LANCL1: variants seen among roughly 807,000 people sequenced by gnomAD.
LANCL1 encodes glutathione S-transferase LANCL1.
LANCL1 carries 50 observed loss-of-function variants against 50.6 expected under a neutral mutation model. The ratio of observed to expected loss-of-function variants is 0.99; its 90% CI spans 0.79 to 1.25. The LOEUF (loss-of-function observed/expected upper bound fraction) is 1.25. LANCL1 is among the 50% of genes most tolerant of loss of function. The pLI, the probability that LANCL1 is intolerant of heterozygous loss-of-function variation, is 0.00. For synonymous variants in LANCL1, 188 were observed against 178.6 expected (o/e 1.05, Z -0.42); for missense variants, 532 against 480.7 (o/e 1.11, Z -1.00).
intron 4 of LANCL1, among the ~76,000 whole-genome samples, chr2:210,442,027 C>T (rs537650807): frequency 3.3e-5 from 5 of 152,036 alleles, no homozygotes; most frequent in South Asian, 2.1e-4. Flanking sequence ...ACCTCAGCCT[C>T]GCGAGGGGAT....
intron 6 of LANCL1, among the ~76,000 whole-genome samples, chr2:210,438,718 T>C (rs758446859): frequency 2.0e-5 from 3 of 152,194 alleles, no homozygotes; most frequent in Non-Finnish European, 4.4e-5. Flanking sequence ...AGATCAAGTC[T>C]TTTTGCAGAG....
chr2:210,463,584 T>C (rs750136518), intron 3 of LANCL1, among the ~76,000 whole-genome samples: 3 of 152,244 alleles, frequency 2.0e-5, no homozygotes, highest in Non-Finnish European at 2.9e-5. Context: ...TGCATACTGA[T>C]GATCTTTATT....
intron 1 of LANCL1, 75 bp from the exon 2 acceptor site, chr2:210,476,487 C>T: frequency 6.8e-7 from 1 of 1,479,538 alleles, no homozygotes; most frequent in Non-Finnish European, 9.1e-7. Context: ...GCGGCGGCGC[C>T]CAGGTATCCC....
chr2:210,455,597 T>A (rs1355056227), intron 3 of LANCL1, among the ~76,000 whole-genome samples: 1 of 152,176 alleles, frequency 6.6e-6, no homozygotes, highest in African/African-American at 2.4e-5. Flanking sequence ...CACAGCCTAT[T>A]ATTAGTCTTT....
chr2:210,459,134 T>C (rs1284088117), intron 3 of LANCL1, among the ~76,000 whole-genome samples: 1 of 152,116 alleles, frequency 6.6e-6, no homozygotes, highest in Non-Finnish European at 1.5e-5. Flanking sequence ...TTGAACTTAA[T>C]TGTAAAAATC....
In LANCL1 at chr2:210,434,845, G is replaced by A. The variant is rs552746421; in HGVS notation, c.1124-282C>T. On this transcript the variant is annotated intron_variant, in intron 9 of 9. Transcript: ENST00000450366. ...ACCCCCCGAGAGCAGTTACAACTCT[G>A]CAAAAACGAAGGATGGCTCCATTTT... Among the ~76,000 whole-genome samples, 96 of 151,718 alleles carry A rather than the reference G, an allele frequency of 6.3e-4. 3 individuals carry two copies. The South Asian group carries it at 0.011, about 17-fold the overall frequency.
Position 210,441,974 on chromosome 2 carries a change from G to A in LANCL1, c.408-531C>T, listed in dbSNP as rs962418933. Among the ~76,000 whole-genome samples the A allele has an allele frequency of 3.3e-5, 5 of 151,080 alleles. 1 individual carries two copies. Among genetic ancestry groups the A allele is most frequent in the Admixed American group, 3.3e-4 (5 of 15,144 alleles). ...GGCTGGAGTGCAATGGCGTGATCTC[G>A]GCTCACCGCAACCTCCGCCTCCCAG... is the stretch of plus-strand genomic sequence containing the variant. On this transcript the variant is annotated intron_variant, in intron 4 of 9. Transcript: ENST00000450366.
Position 210,459,297 on chromosome 2 carries a change from A to G in LANCL1, c.200-3983T>C, listed in dbSNP as rs1693768832. Among the ~76,000 whole-genome samples, 4 of 152,190 alleles carry G rather than the reference A, an allele frequency of 2.6e-5. No homozygotes were observed. The South Asian group carries it at 8.3e-4, about 32-fold the overall frequency. On this transcript the variant is annotated intron_variant, in intron 3 of 9. Coordinates refer to ENST00000450366, the MANE Select transcript of LANCL1 (RefSeq NM_006055.3). ...ATACTATATACAAAAGTCAACTCAA[A>G]ATGGACTAAAGACTTAGACTTAAGA...
intron 3 of LANCL1, among the ~76,000 whole-genome samples, chr2:210,470,027 G>T (rs781470664): frequency 4.7e-5 from 7 of 149,750 alleles, no homozygotes; most frequent in Non-Finnish European, 8.8e-5. Flanking sequence ...ATTAGAAAAA[G>T]ATCTGTAAGT....
chr2:210,457,670 T>C (rs2287429), intron 3 of LANCL1, among the ~76,000 whole-genome samples: 96,349 of 152,050 alleles, frequency 0.63, 31,437 homozygotes, highest in East Asian at 0.82. Flanking sequence ...TCCTCTGGTT[T>C]ACTGTGTTCC....
At chr2:210,447,409 T>C (rs1262696714) in intron 4 of LANCL1, among the ~76,000 whole-genome samples, 1 of 152,090 alleles carries the variant, frequency 6.6e-6, no homozygotes, top group African/African-American at 2.4e-5. Context: ...ACATACCAAA[T>C]TGTAAAGACC....
At chr2:210,474,175 T>C (rs1218567842) in intron 2 of LANCL1, among the ~76,000 whole-genome samples, 2 of 152,212 alleles carry the variant, frequency 1.3e-5, no homozygotes, top group Non-Finnish European at 2.9e-5. Flanking sequence ...CTAAAAGTCC[T>C]TTTTTCTTTT....
chr2:210,450,499 C>T (rs774852141), intron 4 of LANCL1, among the ~76,000 whole-genome samples: 1 of 152,096 alleles, frequency 6.6e-6, no homozygotes, highest in East Asian at 1.9e-4. Flanking sequence ...CAAATGGGAT[C>T]TAATTAAACT....
intron 4 of LANCL1, among the ~76,000 whole-genome samples, chr2:210,445,536 G>A (rs1047219638): frequency 7.2e-5 from 11 of 152,046 alleles, no homozygotes; most frequent in African/African-American, 2.7e-4. Context: ...TGGGTTCGAT[G>A]ATTACTAGGA....
At chr2:210,439,527 T>G (rs928309947) in intron 6 of LANCL1, among the ~76,000 whole-genome samples, 12 of 152,176 alleles carry the variant, frequency 7.9e-5, no homozygotes, top group Non-Finnish European at 1.2e-4. Context: ...CTACTGGGAA[T>G]AGAGAGGAAG....
chr2:210,441,411 G>T lies in LANCL1; in HGVS notation c.440C>A (p.Ala147Asp), dbSNP rs139476683. ...LIHLNKIDPH[A>D]PNEMLYGRIG... is the part of the protein sequence containing the mutation. ...TCGCCCATAGAGCATTTCATTTGGA[G>T]CATGAGGATCAATCTTATTTAGGTG... The change falls in exon 5 of 10, where the codon GCT becomes GAT. Residue 147 changes from alanine to aspartate, a missense_variant. Physicochemically the swap from Ala to Asp is moderately radical, Grantham distance 126. Coordinates refer to ENST00000450366, the MANE Select transcript of LANCL1 (RefSeq NM_006055.3). 2.0e-4 allele frequency: 326 copies of T among 1,611,292 alleles called. 1 individual carries two copies. Among genetic ancestry groups the T allele is most frequent in the Non-Finnish European group, 2.6e-4 (308 of 1,178,248 alleles).
At position 210,444,778 on chromosome 2, in the gene LANCL1, C is replaced by G. The variant is rs1403816626; in HGVS notation, c.408-3335G>C. On this transcript the variant is annotated intron_variant, in intron 4 of 9. Transcript: ENST00000450366. ...TAATACATTTTCTTGTATACTTTGA[C>G]CTTTTTTAAAACAATAGGGCTTATG... Among the ~76,000 whole-genome samples, 3 of 152,016 alleles carry G rather than the reference C, an allele frequency of 2.0e-5. No homozygotes were observed. In the South Asian group the frequency reaches 6.2e-4, roughly 31 times the overall value.
intron 3 of LANCL1, among the ~76,000 whole-genome samples, chr2:210,464,707 C>G (rs1184998201): frequency 6.8e-6 from 1 of 147,052 alleles, no homozygotes; most frequent in Non-Finnish European, 1.5e-5. Context: ...TGGCTCACGC[C>G]TGTAATCCCA....
intron 6 of LANCL1, among the ~76,000 whole-genome samples, chr2:210,438,935 G>A (rs1002684031): frequency 5.3e-5 from 8 of 152,296 alleles, no homozygotes; most frequent in Middle Eastern, 3.4e-3. Flanking sequence ...ATGTGGTGGT[G>A]AGGGGTGGGC....
Sources: gnomAD v4.1 joint callset for allele counts (sites outside exome capture counted in the v4.1 genomes callset) on GRCh38, gnomAD v4.1.1 for gene constraint, MANE v1.5 for transcripts, NCBI Gene and HGNC (gene_info 2026-07-23, HGNC 2026-07-21) for gene names.